CADPS2: variants seen among roughly 807,000 people sequenced by gnomAD.
CADPS2 encodes the protein calcium-dependent secretion activator 2.
In CADPS2, 93 loss-of-function variants were observed where a neutral mutation model predicts 172.5. That is an observed-to-expected ratio of 0.54 (90% CI 0.46 to 0.64). The LOEUF (loss-of-function observed/expected upper bound fraction) is 0.64. CADPS2 is among the 30% of genes least tolerant of loss of function. CADPS2 has a pLI of 0.00. For synonymous variants in CADPS2, 546 were observed against 555.2 expected (o/e 0.98, Z 0.23); for missense variants, 1,420 against 1,565.9 (o/e 0.91, Z 1.57).
intron 14 of CADPS2, among the ~76,000 whole-genome samples, chr7:122,458,492 T>C (rs1373165971): frequency 2.6e-5 from 4 of 152,196 alleles, no homozygotes; most frequent in African/African-American, 7.2e-5. Flanking sequence ...TATATGATCA[T>C]TGAGATATAA....
intron 6 of CADPS2, among the ~76,000 whole-genome samples, chr7:122,590,135 T>A (rs2070538060): frequency 6.6e-6 from 1 of 151,804 alleles, no homozygotes; most frequent in Admixed American, 6.6e-5. Flanking sequence ...CTCTAGGGAC[T>A]CAAAGTAGCC....
chr7:122,740,742 G>GA (rs370481175), intron 1 of CADPS2, among the ~76,000 whole-genome samples: 227 of 150,612 alleles, frequency 1.5e-3, no homozygotes, highest in Non-Finnish European at 2.4e-3. Context: ...AGATTAACTA[G>GA]AAAAAAAAAT....
chr7:122,849,943 C>A, intron 1 of CADPS2: 1 of 561,226 alleles, frequency 1.8e-6, no homozygotes. Context: ...CAGCTCCTGG[C>A]CCAGTACTAG....
chr7:122,452,941 A>G (rs1206961259), intron 14 of CADPS2, among the ~76,000 whole-genome samples: 1 of 152,186 alleles, frequency 6.6e-6, no homozygotes. Context: ...AATTAGGATG[A>G]AAGCAATTAA....
intron 7 of CADPS2, among the ~76,000 whole-genome samples, chr7:122,570,687 A>G (rs1481181009): frequency 2.0e-5 from 3 of 151,858 alleles, no homozygotes; most frequent in East Asian, 1.9e-4. Context: ...TATACACCAT[A>G]GAATACTATG....
chr7:122,527,265 C>T (rs1020083567), intron 8 of CADPS2, among the ~76,000 whole-genome samples: 3 of 151,692 alleles, frequency 2.0e-5, no homozygotes, highest in Admixed American at 6.6e-5. Flanking sequence ...CCCTTTATGC[C>T]GAAAAGGGAC....
At chr7:122,535,954 C>T (rs1483700766) in intron 8 of CADPS2, among the ~76,000 whole-genome samples, 1 of 151,968 alleles carries the variant, frequency 6.6e-6, no homozygotes, top group Non-Finnish European at 1.5e-5. Flanking sequence ...CCATATCTAC[C>T]CAACTGAACT....
chr7:122,422,436 T>C (rs1563298113), intron 17 of CADPS2, among the ~76,000 whole-genome samples: 1 of 152,154 alleles, frequency 6.6e-6, no homozygotes, highest in South Asian at 2.1e-4. Context: ...GCTGAAGAAA[T>C]GGTGGAATGG....
At chr7:122,442,270 C>T (rs1223309546) in intron 15 of CADPS2, among the ~76,000 whole-genome samples, 1 of 152,116 alleles carries the variant, frequency 6.6e-6, no homozygotes, top group Non-Finnish European at 1.5e-5. Flanking sequence ...TTGCTCTTTA[C>T]CAGGGGGTCC....
chr7:122,572,151 A>G (rs1238499052), intron 7 of CADPS2, among the ~76,000 whole-genome samples: 1 of 152,184 alleles, frequency 6.6e-6, no homozygotes, highest in East Asian at 1.9e-4. Context: ...ACAGCACTAA[A>G]TGACTGACTG....
intron 2 of CADPS2, chr7:122,701,758 G>A (rs1235168667): frequency 9.8e-7 from 1 of 1,025,352 alleles, no homozygotes; most frequent in Non-Finnish European, 1.4e-6. Context: ...TCTACATAAA[G>A]TACAATAAGA....
At chr7:122,878,170 G>C (rs1821755063) in intron 1 of CADPS2, among the ~76,000 whole-genome samples, 1 of 148,466 alleles carries the variant, frequency 6.7e-6, no homozygotes, top group Non-Finnish European at 1.5e-5. Context: ...TGAGACAGGA[G>C]AATCACTTGA....
chr7:122,345,430 G>A (rs1343386172), intron 28 of CADPS2, 144 bp downstream of exon 28: 26 of 555,432 alleles, frequency 4.7e-5, no homozygotes, highest in Admixed American at 2.7e-4. Flanking sequence ...GAGCCACTAT[G>A]CCTGGCCAGC....
intron 3 of CADPS2, among the ~76,000 whole-genome samples, chr7:122,639,518 G>A (rs1418469787): frequency 6.6e-6 from 1 of 152,006 alleles, no homozygotes; most frequent in Non-Finnish European, 1.5e-5. Context: ...TCAGTTTTAT[G>A]TGTGCTCCTT....
At chr7:122,833,183 C>G (rs548519357) in intron 1 of CADPS2, among the ~76,000 whole-genome samples, 36 of 152,254 alleles carry the variant, frequency 2.4e-4, no homozygotes, top group African/African-American at 8.2e-4. Flanking sequence ...GGCAACATGA[C>G]AGGTGATTAC....
At chr7:122,451,247 T>C (rs933755927) in intron 15 of CADPS2, 127 bp downstream of exon 15, 18 of 443,274 alleles carry the variant, frequency 4.1e-5, no homozygotes, top group African/African-American at 3.7e-4. Flanking sequence ...AACCTTACCC[T>C]GCAGGCAAGG....
chr7:122,881,433 A>G (rs1305453838), intron 1 of CADPS2, among the ~76,000 whole-genome samples: 1 of 152,148 alleles, frequency 6.6e-6, no homozygotes, highest in Non-Finnish European at 1.5e-5. Flanking sequence ...GCAACAAGCA[A>G]TTTTCCCTGA....
intron 20 of CADPS2, among the ~76,000 whole-genome samples, chr7:122,398,004 T>C (rs1307098198): frequency 6.6e-6 from 1 of 152,146 alleles, no homozygotes; most frequent in Admixed American, 6.5e-5. Flanking sequence ...TAGAAAATAA[T>C]GAGGCATCAA....
At chr7:122,562,859 G>C (rs1170987444) in intron 7 of CADPS2, among the ~76,000 whole-genome samples, 3 of 151,786 alleles carry the variant, frequency 2.0e-5, no homozygotes, top group Non-Finnish European at 2.9e-5. Flanking sequence ...TTAAAGTTTT[G>C]ACTTTTCTTA....
Sources: allele counts gnomAD v4.1 joint callset (sites outside exome capture counted in the v4.1 genomes callset), GRCh38; gene constraint gnomAD v4.1.1; transcripts MANE v1.5; gene names NCBI Gene and HGNC (gene_info 2026-07-23, HGNC 2026-07-21).